POLI: variants seen among roughly 807,000 people sequenced by gnomAD.
The protein encoded by POLI is RAD30 homolog B.
A neutral mutation model predicts 51.6 loss-of-function variants in POLI; 58 were observed. The ratio of observed to expected loss-of-function variants is 1.12; its 90% confidence interval spans 0.91 to 1.40. POLI has a LOEUF of 1.40. Ranked by LOEUF, POLI falls within the 40% of genes most tolerant of loss-of-function variation. POLI has a pLI of 0.00. For synonymous variants in POLI, 322 were observed against 299.7 expected (o/e 1.07, Z -0.77); for missense variants, 921 against 871.3 (o/e 1.06, Z -0.72).
intron 3 of POLI, among the ~76,000 whole-genome samples, chr18:54,307,068 G>T (rs1466111294): frequency 1.3e-5 from 2 of 152,080 alleles, no homozygotes; most frequent in African/African-American, 2.4e-5. Flanking sequence ...TTTTTGAAGG[G>T]TTTTTTGTGT....
At chr18:54,314,855 T>C (rs370560606) in intron 3 of POLI, among the ~76,000 whole-genome samples, 1 of 152,220 alleles carries the variant, frequency 6.6e-6, no homozygotes, top group South Asian at 2.1e-4. Flanking sequence ...ATCTTCTTTT[T>C]TTCTTTGTTA....
At chr18:54,292,632 A>G (rs933866602) in intron 9 of POLI, among the ~76,000 whole-genome samples, 3 of 152,108 alleles carry the variant, frequency 2.0e-5, no homozygotes, top group Non-Finnish European at 2.9e-5. Context: ...TGCCTTAAAA[A>G]CAATTATTTT....
In POLI at chr18:54,292,016, C is replaced by T; in HGVS notation, c.1382C>T (p.Ser461Leu). ...TTAATGCCATCATTATCAACTACTT[C>T]ACGCTCTGGCAAGCACAGTTTTGTA... ...YYLMPSLSTT[S>L]RSGKHSFKMK... Residue 461 changes from serine to leucine, a missense_variant, in exon 9 of 10, where the codon TCA becomes TTA. By Grantham distance (145) the Ser-to-Leu change is moderately radical. Transcript: ENST00000579534. The T allele has an allele frequency of 6.2e-7, 1 of 1,605,392 alleles. No homozygotes were observed. Among genetic ancestry groups the T allele is most frequent in the Non-Finnish European group, 8.5e-7 (1 of 1,174,348 alleles).
In POLI at chr18:54,273,957, C is replaced by A. The variant is rs746519196; in HGVS notation, c.273C>A (p.Cys91Ter). ...AACAGAAATATTTGGTGGTTACCTG[C>A]AACTATGAAGCTAGGAAACTTGGAG... is the stretch of plus-strand genomic sequence containing the variant. Reference protein sequence around the residue: ...GVQQKYLVVTCNYEARKLGVK... With the variant: ...GVQQKYLVVT Residue 91 changes from cysteine (C) to a stop codon, truncating the protein, a stop_gained, in exon 3 of 10, where the codon TGC (cysteine) becomes TGA (stop). Transcript: ENST00000579534. LOFTEE classifies it high-confidence loss of function. 5.1e-6 allele frequency: 8 copies of A among 1,566,366 alleles called. No individual in the cohort carries two copies. The East Asian group carries it at 1.4e-4, about 27-fold the overall frequency.
intron 7 of POLI, chr18:54,284,717 A>T (rs2087669898): frequency 1.3e-5 from 2 of 152,420 alleles, no homozygotes; most frequent in Non-Finnish European, 2.9e-5. Context: ...GCTGTGTGTG[A>T]GTAGGGTGAG....
At position 54,287,344 on chromosome 18, in the gene POLI, G is replaced by T. The variant is rs375842301; in HGVS notation, c.1131G>T (p.Glu377Asp). ...VRLIIRRYSS[E>D]KHYGRESRQC... ...TAATAATCCGTCGGTATTCCTCTGA[G>T]AAGCACTATGGTCGTGAGAGTCGTC... Residue 377 changes from glutamate to aspartate, a missense_variant, in exon 8 of 10, where the codon GAG becomes GAT. By Grantham distance (45) the Glu-to-Asp change is conservative. Coordinates refer to ENST00000579534, the MANE Select transcript of POLI (RefSeq NM_007195.3). 2.5e-6 allele frequency: 4 copies of T among 1,597,738 alleles called. No individual in the cohort carries two copies. In the African/African-American group the frequency reaches 5.4e-5, roughly 21 times the overall value.
At chr18:54,289,031 A>G (rs1057148149) in intron 8 of POLI, among the ~76,000 whole-genome samples, 1 of 152,054 alleles carries the variant, frequency 6.6e-6, no homozygotes, top group African/African-American at 2.4e-5. Flanking sequence ...TTTATTGAAA[A>G]CTGAACCTCA....
Position 54,286,436 on chromosome 18 carries a change from A to G in POLI, c.1068-845A>G, listed in dbSNP as rs537344201. Among the ~76,000 whole-genome samples the G allele has an allele frequency of 4.6e-5, 7 of 152,276 alleles. No individual in the cohort carries two copies. The East Asian group carries it at 1.3e-3, about 29-fold the overall frequency. On this transcript the variant is annotated intron_variant, in intron 7 of 9. Coordinates refer to ENST00000579534, the MANE Select transcript of POLI (RefSeq NM_007195.3). ...TGTATATTAATTATATACTAAATAT[A>G]GTATATGCTCTTTTAAGATATTGCT...
At chr18:54,312,528 T>C (rs1283907028) in intron 3 of POLI, among the ~76,000 whole-genome samples, 1 of 152,184 alleles carries the variant, frequency 6.6e-6, no homozygotes, top group African/African-American at 2.4e-5. Context: ...TTGAGGAATC[T>C]CCAAACTGCT....
chr18:54,304,404 A>G (rs1446773925), intron 3 of POLI, among the ~76,000 whole-genome samples: 4 of 152,148 alleles, frequency 2.6e-5, no homozygotes, highest in Non-Finnish European at 5.9e-5. Flanking sequence ...CTATTTCTCC[A>G]CATCCTCTCC....
chr18:54,292,549 C>A (rs576189363), intron 9 of POLI, among the ~76,000 whole-genome samples: 1 of 152,118 alleles, frequency 6.6e-6, no homozygotes, highest in South Asian at 2.1e-4. Context: ...AAGGCAGAGG[C>A]CAGTCACATT....
Position 54,295,212 on chromosome 18 carries a change from G to C in POLI, c.*745G>C, listed in dbSNP as rs766145531. 2 of 985,388 alleles carry C rather than the reference G, an allele frequency of 2.0e-6. No individual in the cohort carries two copies. The highest frequency in any genetic ancestry group is 2.4e-6 in the Non-Finnish European group (2 of 829,918). The allele number at this position is 985,388 out of a possible 1,614,324, so 61.0% of individuals were successfully genotyped here. ...AGGTGATGGGCCTATAAGCATACTGGATAATGGAAGAAGTCCATTTCTTTC... is the reference window on the plus strand; with the variant it reads ...AGGTGATGGGCCTATAAGCATACTGCATAATGGAAGAAGTCCATTTCTTTC... On this transcript the variant is annotated 3_prime_UTR_variant, in exon 10 of 10. Coordinates refer to ENST00000579534, the MANE Select transcript of POLI (RefSeq NM_007195.3).
At chr18:54,319,518 A>G (rs620412) in intron 3 of POLI, among the ~76,000 whole-genome samples, 10,204 of 152,236 alleles carry the variant, frequency 0.067, 394 homozygotes, top group African/African-American at 0.087. Flanking sequence ...TGAAAGTATT[A>G]GAGGAGTTAT....
chr18:54,307,359 A>G (rs1024729897), intron 3 of POLI, among the ~76,000 whole-genome samples: 8 of 152,208 alleles, frequency 5.3e-5, no homozygotes, highest in Non-Finnish European at 8.8e-5. Flanking sequence ...GTCATTCAGG[A>G]GCAGGTTGTT....
At chr18:54,299,690 G>A (rs970002972), downstream of POLI, among the ~76,000 whole-genome samples, 8 of 152,226 alleles carry the variant, frequency 5.3e-5, no homozygotes, top group African/African-American at 1.7e-4. Flanking sequence ...AGAAGAGGGT[G>A]GGAGATGTAA....
At chr18:54,301,692 T>C (rs2144630210), downstream of POLI, among the ~76,000 whole-genome samples, 1 of 152,270 alleles carries the variant, frequency 6.6e-6, no homozygotes, top group East Asian at 1.9e-4. Flanking sequence ...GCCTCCAGAC[T>C]CCCAGGTCCT....
At chr18:54,315,642 G>A (rs2088724958) in intron 3 of POLI, among the ~76,000 whole-genome samples, 2 of 152,022 alleles carry the variant, frequency 1.3e-5, no homozygotes, top group Non-Finnish European at 2.9e-5. Context: ...CTCCAATGTT[G>A]GGCGCATATA....
rs1410814505 is a variant in POLI, at chr18:54,293,743, G to A, written c.1499G>A (p.Arg500Lys). The change falls in exon 10 of 10, where the codon AGG becomes AAG. Residue 500 changes from arginine to lysine, a missense_variant. Transcript: ENST00000579534. ...GGAAGAATTGAAAGTACAAGAACTAGGGAGTCTCCACTAGATACCACAAAT... is the reference window on the plus strand; with the variant it reads ...GGAAGAATTGAAAGTACAAGAACTAAGGAGTCTCCACTAGATACCACAAAT... Reference protein sequence around the residue: ...PSGRIESTRTRESPLDTTNFS... With the variant: ...PSGRIESTRTKESPLDTTNFS... 6.2e-6 allele frequency: 10 copies of A among 1,606,376 alleles called. No homozygotes were observed. Among genetic ancestry groups the A allele is most frequent in the African/African-American group, 4.0e-5 (3 of 74,750 alleles).
At chr18:54,300,188 T>C (rs1009684729), downstream of POLI, among the ~76,000 whole-genome samples, 4 of 152,100 alleles carry the variant, frequency 2.6e-5, no homozygotes, top group Non-Finnish European at 2.9e-5. Flanking sequence ...TTTTTGTTTC[T>C]TATTTCTAAG....
Sources: gnomAD v4.1 joint callset for allele counts (sites outside exome capture counted in the v4.1 genomes callset) on GRCh38, gnomAD v4.1.1 for gene constraint, MANE v1.5 for transcripts, NCBI Gene and HGNC (gene_info 2026-07-23, HGNC 2026-07-21) for gene names.